ZBTB8B: variants seen among roughly 807,000 people sequenced by gnomAD.
The protein encoded by ZBTB8B is zinc finger and BTB domain-containing protein 8B.
In ZBTB8B, 17 loss-of-function variants were observed where a neutral mutation model predicts 30.3. That is an observed-to-expected ratio of 0.56 (90% CI 0.38 to 0.84). The LOEUF (loss-of-function observed/expected upper bound fraction) is 0.84. ZBTB8B is among the 40% of genes least tolerant of loss of function. ZBTB8B has a pLI of 0.00. For synonymous variants in ZBTB8B, 248 were observed against 255.6 expected (o/e 0.97, Z 0.28); for missense variants, 515 against 644.9 (o/e 0.80, Z 2.18).
chr1:32,476,395 CT>C (rs1354312971), intron 2 of ZBTB8B, among the ~76,000 whole-genome samples: 2 of 152,082 alleles, frequency 1.3e-5, no homozygotes, highest in African/African-American at 4.8e-5. Context: ...CTGAACTCCC[CT>C]TTCCTCATGT....
At chr1:32,474,504 G>A (rs953699448) in intron 2 of ZBTB8B, among the ~76,000 whole-genome samples, 1 of 150,354 alleles carries the variant, frequency 6.7e-6, no homozygotes, top group African/African-American at 2.4e-5. Flanking sequence ...TGTGCTTCCA[G>A]CCTCGATGAC....
intron 1 of ZBTB8B, among the ~76,000 whole-genome samples, chr1:32,470,127 C>T (rs1643604184): frequency 6.6e-6 from 1 of 152,204 alleles, no homozygotes; most frequent in South Asian, 2.1e-4. Context: ...CTGCCTTGTC[C>T]TCCCAAAGTG....
rs183303190 is a variant in ZBTB8B at position 32,480,367 on chromosome 1, A to C, written c.992-524A>C. Among the ~76,000 whole-genome samples the C allele has an allele frequency of 3.0e-3, 452 of 152,304 alleles. 2 individuals are homozygous for C. The highest frequency in any genetic ancestry group is 9.8e-3 in the African/African-American group (407 of 41,554). On this transcript the variant is annotated intron_variant, in intron 2 of 3. Coordinates refer to ENST00000609129, the MANE Select transcript of ZBTB8B (RefSeq NM_001145720.2). ...CTCTTCCTCTTCTTATAAGGAAACC[A>C]GTCCTATCATTAGGGCCCCACCTTA...
chr1:32,470,277 G>T (rs1056796551), intron 1 of ZBTB8B, among the ~76,000 whole-genome samples: 12 of 151,566 alleles, frequency 7.9e-5, no homozygotes, highest in Non-Finnish European at 1.5e-4. Flanking sequence ...GAGGCGGGCG[G>T]ATCACGAGGT....
chr1:32,496,324 C>T lies in ZBTB8B; in HGVS notation c.*10906C>T, dbSNP rs1007590885. 11 of 152,150 alleles carry T rather than the reference C, an allele frequency of 7.2e-5. No individual in the cohort carries two copies. Among genetic ancestry groups the T allele is most frequent in the African/African-American group, 2.2e-4 (9 of 41,452 alleles). 9.4% of individuals were successfully genotyped at this position (152,150 alleles called of 1,614,324 possible). On this transcript the variant is annotated 3_prime_UTR_variant, in exon 4 of 4. Coordinates refer to ENST00000609129, the MANE Select transcript of ZBTB8B (RefSeq NM_001145720.2). ...CAGGAAGTGCAGCCATTCTACGTGC[C>T]GAGCTCTACAGTTACACACTGTCCA...
Position 32,485,669 on chromosome 1 carries a change from A to G in ZBTB8B, c.*251A>G, listed in dbSNP as rs1643740143. 2.1e-6 allele frequency: 1 copy of G among 467,230 alleles called. No individual in the cohort carries two copies. The highest frequency in any genetic ancestry group is 2.0e-5 in the African/African-American group (1 of 51,172). 28.9% of individuals were successfully genotyped at this position (467,230 alleles called of 1,614,324 possible). A position where few individuals can be genotyped will look rare whatever the true frequency, so the allele number is the denominator to read the frequency against. ...TCCTTAATTCTGAGTGAGTCAAAGC[A>G]GGCCCTGAGGTCTCCTGTTTTTCTT... On this transcript the variant is annotated 3_prime_UTR_variant, in exon 4 of 4. Transcript: ENST00000609129.
chr1:32,480,833 G>A, intron 2 of ZBTB8B, 58 bp from the exon 3 acceptor site: 1 of 1,461,532 alleles, frequency 6.8e-7, no homozygotes, highest in Non-Finnish European at 9.2e-7. Flanking sequence ...CCACCGGCGG[G>A]TAGCCAGGGT....
At chr1:32,468,815 C>T (rs1336396036) in intron 1 of ZBTB8B, among the ~76,000 whole-genome samples, 6 of 150,912 alleles carry the variant, frequency 4.0e-5, no homozygotes, top group African/African-American at 9.8e-5. Flanking sequence ...GAGCCGAGAT[C>T]GCGCCATTGC....
chr1:32,489,559 T>C lies in ZBTB8B; in HGVS notation c.*4141T>C, dbSNP rs1038644594. ...GTCTTTGAGGTTTAATTTGTGGGGTTGGTGGTATTTTTATACTAAGTAAAT... is the reference window on the plus strand; with the variant it reads ...GTCTTTGAGGTTTAATTTGTGGGGTCGGTGGTATTTTTATACTAAGTAAAT... On this transcript the variant is annotated 3_prime_UTR_variant, in exon 4 of 4. Coordinates refer to ENST00000609129, the MANE Select transcript of ZBTB8B (RefSeq NM_001145720.2). The C allele has an allele frequency of 6.6e-6, 1 of 152,168 alleles. No individual in the cohort carries two copies. The highest frequency in any genetic ancestry group is 1.5e-5 in the Non-Finnish European group (1 of 68,044). The allele number at this position is 152,168 out of a possible 1,614,324, so 9.4% of individuals were successfully genotyped here.
At chr1:32,469,824 T>C (rs1168140731) in intron 1 of ZBTB8B, among the ~76,000 whole-genome samples, 1 of 152,192 alleles carries the variant, frequency 6.6e-6, no homozygotes, top group East Asian at 1.9e-4. Flanking sequence ...GCTATAGTTA[T>C]TTTTTTCCAT....
Position 32,491,540 on chromosome 1 carries a change from A to T in ZBTB8B, c.*6122A>T, listed in dbSNP as rs1374693220. ...AAGTCTCTGCAGCTGTCTGTGTGGC[A>T]TAGTGCAGGTGCAAGGAGACAGATC... On this transcript the variant is annotated 3_prime_UTR_variant, in exon 4 of 4. Coordinates refer to ENST00000609129, the MANE Select transcript of ZBTB8B (RefSeq NM_001145720.2). 4 of 152,190 alleles carry T rather than the reference A, an allele frequency of 2.6e-5. No homozygotes were observed. Among genetic ancestry groups the T allele is most frequent in the African/African-American group, 9.7e-5 (4 of 41,428 alleles). The allele number at this position is 152,190 out of a possible 1,614,324, so 9.4% of individuals were successfully genotyped here. A position where few individuals can be genotyped will look rare whatever the true frequency, so the allele number is the denominator to read the frequency against.
chr1:32,476,878 A>G (rs1643668405), intron 2 of ZBTB8B, among the ~76,000 whole-genome samples: 1 of 152,058 alleles, frequency 6.6e-6, no homozygotes, highest in Non-Finnish European at 1.5e-5. Flanking sequence ...ACTTTGGTCT[A>G]TTCTGTTCAC....
chr1:32,470,387 C>G (rs1418414501), intron 1 of ZBTB8B, among the ~76,000 whole-genome samples, 197 bp from the exon 2 acceptor site: 1 of 150,060 alleles, frequency 6.7e-6, no homozygotes, highest in Non-Finnish European at 1.5e-5. Context: ...GTAGTCCCAG[C>G]TACTCGGGAG....
At chr1:32,466,750 C>T (rs1261741177) in intron 1 of ZBTB8B, among the ~76,000 whole-genome samples, 2 of 152,054 alleles carry the variant, frequency 1.3e-5, no homozygotes, top group African/African-American at 4.8e-5. Flanking sequence ...GAGGCTTTTC[C>T]AGTGAAAGAC....
intron 2 of ZBTB8B, among the ~76,000 whole-genome samples, chr1:32,476,283 G>T (rs542532617): frequency 1.1e-4 from 17 of 152,240 alleles, no homozygotes; most frequent in African/African-American, 4.1e-4. Flanking sequence ...TTATAAGCAT[G>T]AGCCACCATG....
chr1:32,475,932 C>T (rs1643662004), intron 2 of ZBTB8B, among the ~76,000 whole-genome samples: 3 of 151,458 alleles, frequency 2.0e-5, no homozygotes, highest in African/African-American at 7.3e-5. Context: ...ATTTTCCTGC[C>T]TCAGCCTCCC....
chr1:32,468,468 C>T (rs1570250396), intron 1 of ZBTB8B, among the ~76,000 whole-genome samples: 1 of 152,128 alleles, frequency 6.6e-6, no homozygotes, highest in East Asian at 1.9e-4. Flanking sequence ...TACATTATAG[C>T]TTACACACCT....
chr1:32,469,066 A>C (rs771260732), intron 1 of ZBTB8B, among the ~76,000 whole-genome samples: 17 of 151,692 alleles, frequency 1.1e-4, no homozygotes, highest in Non-Finnish European at 2.2e-4. Context: ...GCGCAGTGGT[A>C]TGCACCTGTA....
At chr1:32,469,104 G>A (rs953362646) in intron 1 of ZBTB8B, among the ~76,000 whole-genome samples, 1 of 152,140 alleles carries the variant, frequency 6.6e-6, no homozygotes, top group South Asian at 2.1e-4. Context: ...GCTGAAGCAG[G>A]AGGGTTGCTT....
Sources: gnomAD v4.1 joint callset for allele counts (sites outside exome capture counted in the v4.1 genomes callset) on GRCh38, gnomAD v4.1.1 for gene constraint, MANE v1.5 for transcripts, NCBI Gene and HGNC (gene_info 2026-07-23, HGNC 2026-07-21) for gene names.